Variants in RIGI observed in about 807,000 individuals in gnomAD.
RIGI encodes the protein RNA sensor RIG-I.
the RIGI span, among the ~76,000 whole-genome samples, chr9:32,503,308 G>A: frequency 6.6e-6 from 1 of 152,104 alleles, no homozygotes; most frequent in African/African-American, 2.4e-5. Context: ...CATGTGGTCA[G>A]GCCCATCCTT....
the RIGI span, among the ~76,000 whole-genome samples, chr9:32,468,798 C>T: frequency 3.9e-5 from 6 of 152,102 alleles, no homozygotes; most frequent in Non-Finnish European, 8.8e-5. Flanking sequence ...GGGTGTCTGC[C>T]TCCCCATACA....
chr9:32,525,772 T>C, the RIGI span, among the ~76,000 whole-genome samples: 1 of 141,706 alleles, frequency 7.1e-6, no homozygotes, highest in Admixed American at 7.1e-5. Context: ...CAGTAGACTT[T>C]AATATTAGTG....
the RIGI span, among the ~76,000 whole-genome samples, chr9:32,490,173 AG>A: frequency 1.3e-5 from 2 of 152,196 alleles, no homozygotes; most frequent in Non-Finnish European, 2.9e-5. Flanking sequence ...CAGGAGTTCA[AG>A]AACAGCCTGG....
the RIGI span, among the ~76,000 whole-genome samples, chr9:32,486,548 G>A: frequency 2.0e-5 from 3 of 149,672 alleles, no homozygotes; most frequent in Non-Finnish European, 3.0e-5. Flanking sequence ...CAGAGTTGTA[G>A]AATAAATACA....
chr9:32,489,391 G>A, the RIGI span: 1 of 1,613,498 alleles, frequency 6.2e-7, no homozygotes, highest in Non-Finnish European at 8.5e-7. Flanking sequence ...AGCAGGCAAA[G>A]CAAGCTCTAA....
the RIGI span, among the ~76,000 whole-genome samples, chr9:32,517,271 G>C: frequency 6.6e-6 from 1 of 152,198 alleles, no homozygotes; most frequent in Non-Finnish European, 1.5e-5. Flanking sequence ...ACCGATTGGA[G>C]CAAACAAATT....
chr9:32,500,676 T>C, the RIGI span: 5 of 1,123,896 alleles, frequency 4.4e-6, no homozygotes, highest in Non-Finnish European at 5.0e-6. Flanking sequence ...AAACAGTCTT[T>C]ACATTGTCTC....
chr9:32,513,750 C>G, the RIGI span, among the ~76,000 whole-genome samples: 2 of 152,194 alleles, frequency 1.3e-5, no homozygotes, highest in African/African-American at 4.8e-5. Context: ...AACTAAAGAG[C>G]TTCTGCACAG....
the RIGI span, chr9:32,491,334 G>A: frequency 1.2e-6 from 2 of 1,613,444 alleles, no homozygotes; most frequent in Non-Finnish European, 1.7e-6. Context: ...CTAAGATTCT[G>A]GCATTCTGGA....
At chr9:32,499,951 T>A in the RIGI span, among the ~76,000 whole-genome samples, 2 of 152,176 alleles carry the variant, frequency 1.3e-5, no homozygotes, top group African/African-American at 4.8e-5. Flanking sequence ...ATTATTCTGT[T>A]TATAAATGCT....
At chr9:32,493,711 T>A in the RIGI span, 58 of 1,244,166 alleles carry the variant, frequency 4.7e-5, 1 homozygote, top group Non-Finnish European at 3.4e-6. Flanking sequence ...CAGAAGACCT[T>A]CCCATGTTAT....
chr9:32,465,786 T>G, the RIGI span, among the ~76,000 whole-genome samples: 1 of 152,224 alleles, frequency 6.6e-6, no homozygotes, highest in Non-Finnish European at 1.5e-5. Context: ...ATGTGTTTCT[T>G]GACTTTCTCC....
the RIGI span, among the ~76,000 whole-genome samples, chr9:32,492,042 G>A: frequency 6.6e-6 from 1 of 152,130 alleles, no homozygotes; most frequent in Non-Finnish European, 1.5e-5. Flanking sequence ...CTGAAAAGGG[G>A]GTAAGTCCTG....
the RIGI span, chr9:32,457,492 AAAAAAG>A: frequency 2.4e-6 from 3 of 1,260,228 alleles, no homozygotes; most frequent in Non-Finnish European, 3.2e-6. Flanking sequence ...TTAAAAAAAA[AAAAAAG>A]AAAACCCCAC....
chr9:32,489,022 C>A, the RIGI span: 2 of 808,088 alleles, frequency 2.5e-6, no homozygotes, highest in Non-Finnish European at 1.8e-6. Flanking sequence ...TTAATGATTA[C>A]AGAATTTACA....
the RIGI span, chr9:32,526,148 G>A: frequency 0.25 from 394,881 of 1,611,284 alleles, 50,594 homozygotes; most frequent in Non-Finnish European, 0.27. Flanking sequence ...TGCAGGCTGC[G>A]TCGCTGCTCG....
the RIGI span, among the ~76,000 whole-genome samples, chr9:32,523,880 C>G: frequency 6.6e-6 from 1 of 151,836 alleles, no homozygotes; most frequent in Admixed American, 6.6e-5. Context: ...AGTTTCATCT[C>G]TCTGAACTCC....
the RIGI span, among the ~76,000 whole-genome samples, chr9:32,457,638 G>A: frequency 6.6e-6 from 1 of 152,120 alleles, no homozygotes; most frequent in Admixed American, 6.5e-5. Context: ...GGGGTTGCAA[G>A]TGAGGACACT....
the RIGI span, among the ~76,000 whole-genome samples, chr9:32,461,189 C>G: frequency 6.6e-6 from 1 of 152,062 alleles, no homozygotes; most frequent in South Asian, 2.1e-4. Context: ...ACCCCAGAAC[C>G]CTAGACTCAG....
Sources: gnomAD v4.1 joint callset for allele counts (sites outside exome capture counted in the v4.1 genomes callset) on GRCh38, gnomAD v4.1.1 for gene constraint, MANE v1.5 for transcripts, NCBI Gene and HGNC (gene_info 2026-07-23, HGNC 2026-07-21) for gene names.